The following ERICH6B variants were observed in gnomAD, a reference collection of about 807,000 sequenced individuals.
ERICH6B encodes the protein glutamate rich 6B.
In ERICH6B, 69 loss-of-function variants were observed where a neutral mutation model predicts 80.0. The observed-to-expected ratio is 0.86, with a 90% CI of 0.71 to 1.05. ERICH6B has a LOEUF of 1.05. Ranked by LOEUF, ERICH6B falls within the 50% of genes least tolerant of loss-of-function variation. The pLI, the probability that ERICH6B is intolerant of heterozygous loss-of-function variation, is 0.00. For synonymous variants in ERICH6B, 283 were observed against 291.9 expected (o/e 0.97, Z 0.31); for missense variants, 754 against 796.1 (o/e 0.95, Z 0.64).
At chr13:45,606,531 ATATATATATATATATATTTTTT>A (rs1266238680) in intron 2 of ERICH6B, among the ~76,000 whole-genome samples, 518 of 43,012 alleles carry the variant, frequency 0.012, 7 homozygotes, top group East Asian at 0.018. Flanking sequence ...ATATATATAT[ATATATATATATATATATTTTTT>A]TTTTTTTTTT....
At chr13:45,597,178 A>G in intron 2 of ERICH6B, 115 bp from the exon 3 acceptor site, 2 of 727,188 alleles carry the variant, frequency 2.8e-6, no homozygotes, top group Non-Finnish European at 2.2e-6. Flanking sequence ...CTCTTTAAGT[A>G]TGCAGATCAG....
At chr13:45,606,533 ATATATATATATATATTTTT>A (rs1453546190) in intron 2 of ERICH6B, among the ~76,000 whole-genome samples, 12 of 30,246 alleles carry the variant, frequency 4.0e-4, no homozygotes, top group African/African-American at 4.5e-4. Context: ...ATATATATAT[ATATATATATATATATTTTT>A]TTTTTTTTTT....
intron 5 of ERICH6B, among the ~76,000 whole-genome samples, chr13:45,583,797 G>A (rs1875777271): frequency 6.6e-6 from 1 of 152,168 alleles, no homozygotes; most frequent in African/African-American, 2.4e-5. Flanking sequence ...CTTCTGCCAT[G>A]ATTGTGAGGC....
intron 2 of ERICH6B, among the ~76,000 whole-genome samples, chr13:45,601,076 T>A (rs1046818460): frequency 6.6e-6 from 1 of 152,174 alleles, no homozygotes; most frequent in Non-Finnish European, 1.5e-5. Context: ...CCCTGATGTT[T>A]CTTGTTAATT....
chr13:45,545,152 G>A (rs1464652218), intron 13 of ERICH6B, among the ~76,000 whole-genome samples, 167 bp from the exon 14 acceptor site: 1 of 152,184 alleles, frequency 6.6e-6, no homozygotes, highest in East Asian at 1.9e-4. Context: ...ACCAGGCACT[G>A]TCCCCTGCGC....
chr13:45,604,167 G>A (rs376741670), intron 2 of ERICH6B, among the ~76,000 whole-genome samples: 1 of 152,244 alleles, frequency 6.6e-6, no homozygotes, highest in African/African-American at 2.4e-5. Flanking sequence ...TGAGAAGAGG[G>A]AACTCTGCTG....
intron 3 of ERICH6B, 121 bp from the exon 4 acceptor site, chr13:45,590,818 TC>T: frequency 1.3e-6 from 1 of 763,606 alleles, no homozygotes; most frequent in Non-Finnish European, 2.0e-6. Context: ...TTTTTACTTT[TC>T]TTTAGTATTG....
chr13:45,587,156 A>G lies in ERICH6B; in HGVS notation c.763T>C (p.Ser255Pro), dbSNP rs994417747. The G allele has an allele frequency of 5.2e-6, 8 of 1,551,564 alleles. No individual in the cohort carries two copies. Among genetic ancestry groups the G allele is most frequent in the Middle Eastern group, 1.7e-4 (1 of 6,014 alleles). Residue 255 changes from serine (S) to proline (P), a missense_variant, in exon 5 of 15, where the codon TCT (serine) becomes CCT (proline). Ser to Pro is a moderately conservative substitution (Grantham distance 74). Transcript: ENST00000298738. ...PLTFATPSPV[S>P]ESATESSELL... The stretch of plus-strand genomic sequence containing the variant: ...TCAGAAGACTCTGTGGCAGATTCAG[A>G]GACAGGAGAAGGGGTAGCGAAAGTC...
At chr13:45,588,680 C>A in intron 4 of ERICH6B, among the ~76,000 whole-genome samples, 1 of 152,226 alleles carries the variant, frequency 6.6e-6, no homozygotes, top group East Asian at 1.9e-4. Flanking sequence ...ACAATATTGG[C>A]CTCTCTGGTC....
chr13:45,541,881 T>C (rs907240006), intron 14 of ERICH6B, among the ~76,000 whole-genome samples: 1 of 152,226 alleles, frequency 6.6e-6, no homozygotes, highest in Admixed American at 6.5e-5. Flanking sequence ...TGCAGTCAGG[T>C]GGACCATGGT....
intron 10 of ERICH6B, among the ~76,000 whole-genome samples, chr13:45,563,263 G>A (rs541380571): frequency 8.5e-5 from 13 of 152,262 alleles, no homozygotes; most frequent in African/African-American, 2.9e-4. Context: ...TGGTCCCACA[G>A]TGTCCCCTTC....
At chr13:45,563,671 G>A in intron 10 of ERICH6B, 56 bp downstream of exon 10, 1 of 1,439,564 alleles carries the variant, frequency 6.9e-7, no homozygotes, top group South Asian at 1.2e-5. Flanking sequence ...GGGAGAGGCG[G>A]TGGGATGCAG....
At chr13:45,562,059 A>G (rs1422567568) in intron 10 of ERICH6B, among the ~76,000 whole-genome samples, 1 of 152,226 alleles carries the variant, frequency 6.6e-6, no homozygotes. Flanking sequence ...AATCACACCA[A>G]TGACTGATTG....
At chr13:45,603,025 C>T (rs1275025906) in intron 2 of ERICH6B, among the ~76,000 whole-genome samples, 2 of 152,172 alleles carry the variant, frequency 1.3e-5, no homozygotes, top group East Asian at 1.9e-4. Flanking sequence ...TAATTCAGTC[C>T]AAGGCTGGAG....
chr13:45,596,881 C>T lies in ERICH6B; in HGVS notation c.125G>A (p.Ser42Asn). The T allele has an allele frequency of 6.4e-7, 1 of 1,551,850 alleles. No individual in the cohort carries two copies. Among genetic ancestry groups the T allele is most frequent in the Non-Finnish European group, 8.7e-7 (1 of 1,147,030 alleles). Residue 42 changes from serine to asparagine, a missense_variant, in exon 3 of 15, where the codon AGT (serine) becomes AAT (asparagine). By Grantham distance (46) the Ser-to-Asn change is conservative. Transcript: ENST00000298738. ...AGAAAATGGAGATTCATCCTGTAGA[C>T]TTTCCTCATCTAGTTCTACTTCAGT... is the stretch of plus-strand genomic sequence containing the variant. ...EDTEVELDEE[S>N]LQDESPFSPE...
In ERICH6B at chr13:45,597,039, C is replaced by T; in HGVS notation, c.-34G>A. Reference sequence around the variant, plus strand: ...AGTCGTAGGTGGTGAACTCCTTCTGCAGCAGCCAACGTCACTTTATTATCC... The same window carrying T: ...AGTCGTAGGTGGTGAACTCCTTCTGTAGCAGCCAACGTCACTTTATTATCC... On this transcript the variant is annotated 5_prime_UTR_variant, in exon 3 of 15. Transcript: ENST00000298738. 1 of 1,503,630 alleles carries T rather than the reference C, an allele frequency of 6.7e-7. No individual in the cohort carries two copies. Among genetic ancestry groups the T allele is most frequent in the Non-Finnish European group, 8.9e-7 (1 of 1,123,336 alleles). The allele number at this position is 1,503,630 out of a possible 1,614,324, so 93.1% of individuals were successfully genotyped here.
chr13:45,575,407 C>T (rs1035655323), intron 7 of ERICH6B, among the ~76,000 whole-genome samples: 6 of 151,902 alleles, frequency 3.9e-5, no homozygotes, highest in South Asian at 2.1e-4. Flanking sequence ...TTGCACATCC[C>T]GAGGGGAGGT....
intron 1 of ERICH6B, 78 bp downstream of exon 1, chr13:45,615,604 AGAG>A (rs1593332596): frequency 6.5e-6 from 1 of 152,718 alleles, no homozygotes; most frequent in African/African-American, 2.4e-5. Flanking sequence ...AGGAGGGGGA[AGAG>A]GAGGAGGAGA....
At chr13:45,579,137 A>G (rs547642891) in intron 7 of ERICH6B, among the ~76,000 whole-genome samples, 3 of 152,344 alleles carry the variant, frequency 2.0e-5, no homozygotes, top group Admixed American at 6.5e-5. Context: ...TTAAAGTTTG[A>G]ACATCGTAGC....
Sources: allele counts gnomAD v4.1 joint callset (sites outside exome capture counted in the v4.1 genomes callset), GRCh38; gene constraint gnomAD v4.1.1; transcripts MANE v1.5; gene names NCBI Gene and HGNC (gene_info 2026-07-23, HGNC 2026-07-21).